SGCD: variants seen among roughly 807,000 people sequenced by gnomAD.
The protein encoded by SGCD is delta-sarcoglycan.
In SGCD, 18 loss-of-function variants were observed where a neutral mutation model predicts 36.6. The observed-to-expected ratio is 0.49, with a 90% CI of 0.34 to 0.73. SGCD has a LOEUF of 0.73. Among genes scored for constraint, SGCD ranks in the 30% least tolerant of loss-of-function variants. The pLI, the probability that SGCD is intolerant of heterozygous loss-of-function variation, is 0.01. For missense variants in SGCD, 387 were observed against 346.7 expected, an observed-to-expected ratio of 1.12 and a Z score of -0.92; for synonymous variants, 133 against 130.6, an observed-to-expected ratio of 1.02 and a Z score of -0.12.
chr5:156,015,386 T>G (rs1010649512), intron 1 of SGCD, among the ~76,000 whole-genome samples: 10 of 152,098 alleles, frequency 6.6e-5, no homozygotes, highest in African/African-American at 2.4e-4. Context: ...ACATCTTCAT[T>G]ATCTTTTGAG....
upstream of SGCD, among the ~76,000 whole-genome samples, chr5:156,321,863 T>G (rs902424288): frequency 5.9e-5 from 9 of 152,200 alleles, 1 homozygote; most frequent in Admixed American, 5.9e-4. Flanking sequence ...TCACATCCAC[T>G]TCTTGGCTTT....
chr5:156,654,561 ACT>A lies in SGCD; in HGVS notation c.575+7030_575+7031del, dbSNP rs557528903. Reference sequence around the variant, plus strand: ...AACTTCAGAAAATAGCTTCTTCCAGACTCTCTGCTGGTCTCCAAAGGCCTTAA... The same window carrying A: ...AACTTCAGAAAATAGCTTCTTCCAGACTCTGCTGGTCTCCAAAGGCCTTAA... On this transcript the variant is annotated intron_variant, in intron 7 of 8. Coordinates refer to ENST00000337851, the MANE Select transcript of SGCD (RefSeq NM_000337.6). 2.2e-3 allele frequency among the ~76,000 whole-genome samples: 339 copies of A among 151,930 alleles called. 3 individuals carry two copies. Among genetic ancestry groups the A allele is most frequent in the African/African-American group, 7.8e-3 (322 of 41,444 alleles).
chr5:156,006,329 A>G (rs1758760685), intron 1 of SGCD, among the ~76,000 whole-genome samples: 1 of 152,234 alleles, frequency 6.6e-6, no homozygotes, highest in Non-Finnish European at 1.5e-5. Flanking sequence ...ACCAAAGTCA[A>G]AATGACAAAT....
intron 1 of SGCD, among the ~76,000 whole-genome samples, chr5:156,088,254 G>C (rs1057322891): frequency 6.6e-6 from 1 of 151,976 alleles, no homozygotes; most frequent in Non-Finnish European, 1.5e-5. Context: ...CATCATTTTT[G>C]TATCTAGTAG....
At chr5:155,794,271 G>A in the SGCD span, among the ~76,000 whole-genome samples, 2,282 of 152,024 alleles carry the variant, frequency 0.015, 30 homozygotes, top group Non-Finnish European at 0.02. Flanking sequence ...ATTCTGGAAC[G>A]TCTATAATTT....
At chr5:156,083,350 A>G (rs1761010438) in intron 1 of SGCD, among the ~76,000 whole-genome samples, 1 of 150,276 alleles carries the variant, frequency 6.7e-6, no homozygotes, top group African/African-American at 2.5e-5. Flanking sequence ...GCTGGAGTGC[A>G]ATGGCGTGAT....
intron 3 of SGCD, among the ~76,000 whole-genome samples, chr5:156,189,638 G>A (rs1351100988): frequency 6.6e-6 from 1 of 151,634 alleles, no homozygotes; most frequent in Non-Finnish European, 1.5e-5. Context: ...GACAGAAAGT[G>A]GAGGAGGCTA....
chr5:156,367,564 T>C (rs1319214090), intron 3 of SGCD, among the ~76,000 whole-genome samples: 1 of 152,196 alleles, frequency 6.6e-6, no homozygotes, highest in Non-Finnish European at 1.5e-5. Flanking sequence ...AGTCATGTAG[T>C]TTTGCAACAT....
At chr5:156,023,449 G>A (rs2436421) in intron 1 of SGCD, among the ~76,000 whole-genome samples, 47,232 of 152,146 alleles carry the variant, frequency 0.31, 8,702 homozygotes, top group South Asian at 0.45. Context: ...CTCATTAAAT[G>A]CTGCCTGCAC....
chr5:155,974,732 C>T (rs1758075350), intron 1 of SGCD, among the ~76,000 whole-genome samples: 1 of 152,072 alleles, frequency 6.6e-6, no homozygotes, highest in African/African-American at 2.4e-5. Context: ...TTCCCTTAAA[C>T]AGCACAGATG....
intron 3 of SGCD, among the ~76,000 whole-genome samples, chr5:156,387,179 C>T (rs1771321240): frequency 6.6e-6 from 1 of 152,122 alleles, no homozygotes; most frequent in African/African-American, 2.4e-5. Context: ...AGCACATGAG[C>T]CTCATGCATT....
chr5:156,204,920 A>G (rs1478669444), intron 3 of SGCD, among the ~76,000 whole-genome samples: 1 of 152,102 alleles, frequency 6.6e-6, no homozygotes, highest in Non-Finnish European at 1.5e-5. Flanking sequence ...AGGTATTGCT[A>G]CAACCGTGAT....
chr5:156,523,122 T>C (rs2113051084), intron 4 of SGCD, among the ~76,000 whole-genome samples: 1 of 152,304 alleles, frequency 6.6e-6, no homozygotes, highest in East Asian at 1.9e-4. Context: ...CATTTACTGA[T>C]TGGGGCACTA....
chr5:156,138,265 A>G (rs541926809), intron 3 of SGCD, among the ~76,000 whole-genome samples: 2 of 152,214 alleles, frequency 1.3e-5, no homozygotes, highest in African/African-American at 4.8e-5. Flanking sequence ...GCCAAGTGTG[A>G]TGGTGCATGC....
At chr5:156,499,915 G>A (rs993841950) in intron 3 of SGCD, among the ~76,000 whole-genome samples, 2 of 151,972 alleles carry the variant, frequency 1.3e-5, no homozygotes, top group Admixed American at 6.6e-5. Context: ...TATAATAGTC[G>A]AATACATTAT....
At chr5:156,493,973 T>G (rs1460722055) in intron 3 of SGCD, among the ~76,000 whole-genome samples, 1 of 152,138 alleles carries the variant, frequency 6.6e-6, no homozygotes, top group Non-Finnish European at 1.5e-5. Flanking sequence ...CCTCTTTTCT[T>G]TTCCTCTTAG....
chr5:156,727,215 G>A (rs999844446), intron 7 of SGCD, among the ~76,000 whole-genome samples: 1 of 152,198 alleles, frequency 6.6e-6, no homozygotes, highest in Non-Finnish European at 1.5e-5. Context: ...AGGGGTGAGG[G>A]AGATCCTGAC....
intron 3 of SGCD, among the ~76,000 whole-genome samples, chr5:156,485,760 G>A (rs151097664): frequency 1.4e-3 from 219 of 152,220 alleles, no homozygotes; most frequent in East Asian, 3.7e-3. Flanking sequence ...CTGAAGGAGC[G>A]TCTTTGTGAG....
chr5:156,554,716 A>G (rs965426739), intron 4 of SGCD, among the ~76,000 whole-genome samples: 1 of 151,256 alleles, frequency 6.6e-6, no homozygotes, highest in African/African-American at 2.4e-5. Context: ...TGGATCTTTG[A>G]ATGTATTCCC....
Sources: gnomAD v4.1 joint callset for allele counts (sites outside exome capture counted in the v4.1 genomes callset) on GRCh38, gnomAD v4.1.1 for gene constraint, MANE v1.5 for transcripts, NCBI Gene and HGNC (gene_info 2026-07-23, HGNC 2026-07-21) for gene names.